ZFYVE9: variants seen among roughly 807,000 people sequenced by gnomAD.
The protein encoded by ZFYVE9 is zinc finger FYVE-type containing 9, also known as zinc finger FYVE domain-containing protein 9.
In ZFYVE9, 43 loss-of-function variants were observed where a neutral mutation model predicts 126.7. That is an observed-to-expected ratio of 0.34 (90% CI 0.27 to 0.44). ZFYVE9 has a LOEUF of 0.44. ZFYVE9 is among the 20% of genes least tolerant of loss of function. ZFYVE9 has a pLI of 1.00. For missense variants in ZFYVE9, 1,476 were observed against 1,697.0 expected, an observed-to-expected ratio of 0.87 and a Z score of 2.29; for synonymous variants, 521 against 597.4, an observed-to-expected ratio of 0.87 and a Z score of 1.87.
chr1:52,257,101 G>A (rs1189432430), intron 4 of ZFYVE9, among the ~76,000 whole-genome samples: 1 of 152,150 alleles, frequency 6.6e-6, no homozygotes, highest in Non-Finnish European at 1.5e-5. Flanking sequence ...GCACAAAGTG[G>A]TACTTTGAAT....
chr1:52,288,858 G>A (rs957537609), intron 10 of ZFYVE9, among the ~76,000 whole-genome samples: 4 of 150,628 alleles, frequency 2.7e-5, no homozygotes, highest in African/African-American at 7.4e-5. Flanking sequence ...CCCGGGAGGC[G>A]GAGGTTTCAG....
At chr1:52,148,947 ATTTTTTTTTTTTTTTTTTTT>A (rs56300233) in intron 1 of ZFYVE9, among the ~76,000 whole-genome samples, 9 of 34,254 alleles carry the variant, frequency 2.6e-4, no homozygotes, top group South Asian at 1.2e-3. Context: ...CCTTAACATG[ATTTTTTTTTTTTTTTTTTTT>A]TTTTTTTTTT....
rs77699426 is a variant in ZFYVE9, at chr1:52,238,437, T to A, written c.1020T>A (p.Leu340=). 5.7e-3 allele frequency: 9,251 copies of A among 1,614,016 alleles called. 133 individuals are homozygous for A. Among genetic ancestry groups the A allele is most frequent in the South Asian group, 0.039 (3,570 of 91,068 alleles). ...EESLRSGLPL[L]LKPDMPNGSG... ...CCCTCCGGTCTGGTTTACCTTTGCT[T>A]CTCAAACCAGACATGCCTAATGGGT... Residue 340 remains leucine, a synonymous_variant, in exon 4 of 19, where the codon CTT becomes CTA. Transcript: ENST00000287727.
chr1:52,284,937 A>G (rs1302522107), intron 10 of ZFYVE9, among the ~76,000 whole-genome samples: 2 of 152,224 alleles, frequency 1.3e-5, no homozygotes, highest in African/African-American at 4.8e-5. Flanking sequence ...TAACATTTCA[A>G]AAGCATAAGT....
intron 13 of ZFYVE9, 61 bp from the exon 14 acceptor site, chr1:52,332,707 C>T (rs781420632): frequency 9.8e-5 from 153 of 1,568,612 alleles, no homozygotes; most frequent in Non-Finnish European, 1.2e-4. Context: ...GATGGAGTTG[C>T]ACCATGTCAG....
chr1:52,238,823 C>T lies in ZFYVE9; in HGVS notation c.1406C>T (p.Pro469Leu). The change falls in exon 4 of 19, where the codon CCA (proline) becomes CTA (leucine). Residue 469 changes from proline (P) to leucine (L), a missense_variant. This residue lies in a region of ZFYVE9 where 807 missense variants were observed against 794.6 expected (regional missense o/e 1.02). Coordinates refer to ENST00000287727, the MANE Select transcript of ZFYVE9 (RefSeq NM_004799.4). ...GATTTCTCCACTGTTATAGACACAC[C>T]AGCAGCAAATTATCTATCTAATGGT... ...ECDFSTVIDT[P>L]AANYLSNGCD... The T allele has an allele frequency of 5.0e-6, 8 of 1,613,998 alleles. No homozygotes were observed. The highest frequency in any genetic ancestry group is 6.8e-6 in the Non-Finnish European group (8 of 1,179,962).
At chr1:52,263,466 T>C (rs1392967452) in intron 4 of ZFYVE9, among the ~76,000 whole-genome samples, 11 of 152,224 alleles carry the variant, frequency 7.2e-5, no homozygotes, top group Admixed American at 7.2e-4. Flanking sequence ...TAGGTGATTG[T>C]GTGCATAGAA....
At position 52,268,662 on chromosome 1, in the gene ZFYVE9, C is replaced by T. The variant is rs373126961; in HGVS notation, c.2625+30C>T. The T allele has an allele frequency of 9.3e-6, 15 of 1,606,808 alleles. No individual in the cohort carries two copies. In the African/African-American group the frequency reaches 1.5e-4, roughly 16 times the overall value. ...GAAAACAAAACAGCAACTAAAATTG[C>T]ATAGCTACTTTACTCAGCATTGTGC... On this transcript the variant is annotated intron_variant, in intron 7 of 18. Coordinates refer to ENST00000287727, the MANE Select transcript of ZFYVE9 (RefSeq NM_004799.4).
intron 7 of ZFYVE9, among the ~76,000 whole-genome samples, chr1:52,270,399 G>T (rs1259607986): frequency 1.3e-5 from 2 of 152,214 alleles, no homozygotes; most frequent in East Asian, 3.9e-4. Flanking sequence ...GAGTAGCTGG[G>T]ACAACAGGCG....
chr1:52,157,734 A>G (rs1557428470), intron 1 of ZFYVE9, among the ~76,000 whole-genome samples: 1 of 152,032 alleles, frequency 6.6e-6, no homozygotes. Context: ...CTATCTCCAC[A>G]GCTCCCTGAA....
chr1:52,144,202 C>G (rs1346247976), intron 1 of ZFYVE9, among the ~76,000 whole-genome samples: 3 of 152,072 alleles, frequency 2.0e-5, no homozygotes, highest in African/African-American at 7.2e-5. Context: ...ACCTGTAGCC[C>G]CAGCTACTCG....
chr1:52,257,407 T>A (rs1645532228), intron 4 of ZFYVE9, among the ~76,000 whole-genome samples: 1 of 152,152 alleles, frequency 6.6e-6, no homozygotes, highest in African/African-American at 2.4e-5. Context: ...AACACAGAAG[T>A]GCCACATTTA....
intron 1 of ZFYVE9, among the ~76,000 whole-genome samples, chr1:52,197,420 C>T (rs1644870801): frequency 6.6e-6 from 1 of 152,056 alleles, no homozygotes. Flanking sequence ...AGAGGTCACT[C>T]TTTTAAATTG....
intron 5 of ZFYVE9, among the ~76,000 whole-genome samples, chr1:52,265,575 G>T (rs1645625844): frequency 6.6e-6 from 1 of 152,114 alleles, no homozygotes. Context: ...AAATTATAGG[G>T]TACACAGAAT....
intron 1 of ZFYVE9, among the ~76,000 whole-genome samples, chr1:52,144,374 A>T (rs1052293681): frequency 2.6e-5 from 4 of 152,074 alleles, no homozygotes; most frequent in Non-Finnish European, 5.9e-5. Context: ...CCAACATTAG[A>T]ATCAGTTGAG....
chr1:52,292,628 C>T (rs1021341761), intron 10 of ZFYVE9, among the ~76,000 whole-genome samples: 1 of 151,772 alleles, frequency 6.6e-6, no homozygotes, highest in Non-Finnish European at 1.5e-5. Context: ...CACACCACTA[C>T]GCCTGGCTAA....
At chr1:52,245,185 A>G (rs1264993465) in intron 4 of ZFYVE9, among the ~76,000 whole-genome samples, 2 of 151,568 alleles carry the variant, frequency 1.3e-5, no homozygotes, top group Non-Finnish European at 2.9e-5. Flanking sequence ...AAATTATGAC[A>G]TATTATTTGT....
At chr1:52,156,598 A>G (rs1644405369) in intron 1 of ZFYVE9, among the ~76,000 whole-genome samples, 1 of 152,212 alleles carries the variant, frequency 6.6e-6, no homozygotes, top group Non-Finnish European at 1.5e-5. Flanking sequence ...AAGTATGCCA[A>G]TCCCATTTAT....
intron 14 of ZFYVE9, among the ~76,000 whole-genome samples, chr1:52,333,495 C>G (rs1646362243): frequency 6.6e-6 from 1 of 152,054 alleles, no homozygotes; most frequent in South Asian, 2.1e-4. Flanking sequence ...ACCCCAGATT[C>G]ACTAATCAAA....
Sources: gnomAD v4.1 joint callset for allele counts (sites outside exome capture counted in the v4.1 genomes callset) on GRCh38, gnomAD v4.1.1 for gene constraint, gnomAD v4.1.1 regional missense constraint, MANE v1.5 for transcripts, NCBI Gene and HGNC (gene_info 2026-07-23, HGNC 2026-07-21) for gene names.